The following ZNF618 variants were observed in gnomAD, a reference collection of about 807,000 sequenced individuals.
ZNF618 encodes neural precursor cell expressed, developmentally down-regulated 10.
In ZNF618, 34 loss-of-function variants were observed where a neutral mutation model predicts 103.0. The observed-to-expected ratio is 0.33, with a 90% CI of 0.25 to 0.44. ZNF618 has a LOEUF of 0.44. Ranked by LOEUF, ZNF618 falls within the 20% of genes least tolerant of loss-of-function variation. The pLI is 1.00. For missense variants in ZNF618, 1,059 were observed against 1,295.4 expected (o/e 0.82, Z 2.80); for synonymous variants, 551 against 542.2 (o/e 1.02, Z -0.23).
At chr9:113,882,572 G>A (rs540678635) in intron 1 of ZNF618, among the ~76,000 whole-genome samples, 1 of 152,272 alleles carries the variant, frequency 6.6e-6, no homozygotes, top group African/African-American at 2.4e-5. Flanking sequence ...AAAGTTAGGC[G>A]ACAAGTGAGA....
intron 1 of ZNF618, among the ~76,000 whole-genome samples, chr9:113,949,903 C>T (rs1304015544): frequency 1.3e-5 from 2 of 152,224 alleles, no homozygotes; most frequent in Admixed American, 6.5e-5. Context: ...GGAGTTGGCA[C>T]GGGAGGCAAT....
chr9:114,049,395 C>T lies in ZNF618; in HGVS notation c.2093C>T (p.Thr698Met), dbSNP rs944887265. ...CCACCACCCTGCTGGAACTCGGTGACGGACTCACTGTTGCTGGTGCATGAG... is the reference window on the plus strand; with the variant it reads ...CCACCACCCTGCTGGAACTCGGTGATGGACTCACTGTTGCTGGTGCATGAG... ...TSPPPCWNSV[T>M]DSLLLVHERY... Residue 698 changes from threonine (T) to methionine (M), a missense_variant, in exon 15 of 15, where the codon ACG (threonine) becomes ATG (methionine). By Grantham distance (81) the Thr-to-Met change is moderately conservative (BLOSUM62 -1). Transcript: ENST00000374126. The T allele has an allele frequency of 3.7e-6, 6 of 1,603,714 alleles. No homozygotes were observed. Among genetic ancestry groups the T allele is most frequent in the East Asian group, 2.3e-5 (1 of 44,368 alleles).
In ZNF618 at chr9:113,938,165, GTTTTTTTTT is replaced by G. The variant is rs770850585; in HGVS notation, c.34-30938_34-30930del. Among the ~76,000 whole-genome samples the G allele has an allele frequency of 5.2e-5, 5 of 95,512 alleles. No homozygotes were observed. In the South Asian group the frequency reaches 1.9e-3, roughly 36 times the overall value. The allele number at this position is 95,512 out of a possible 152,430, so 62.7% of individuals were successfully genotyped here. ...GTTTTTAGGAAAGCTTCAGGCTCCT[GTTTTTTTTT>G]TTTTTTTTTTTTTGAGACAGGGTCT... is the stretch of plus-strand genomic sequence containing the variant. On this transcript the variant is annotated intron_variant, in intron 1 of 14. Coordinates refer to ENST00000374126, the MANE Select transcript of ZNF618 (RefSeq NM_001318042.2).
intron 12 of ZNF618, among the ~76,000 whole-genome samples, chr9:114,034,493 A>G (rs549899498): frequency 2.6e-5 from 4 of 152,302 alleles, no homozygotes; most frequent in African/African-American, 9.6e-5. Context: ...TGTGCCTGGC[A>G]TGTGTTCAGA....
At position 113,974,735 on chromosome 9, in the gene ZNF618, C is replaced by T. The variant is rs144354349; in HGVS notation, c.77+5575C>T. Among the ~76,000 whole-genome samples, 14 of 152,180 alleles carry T rather than the reference C, an allele frequency of 9.2e-5. No homozygotes were observed. The South Asian group carries it at 1.9e-3, about 20-fold the overall frequency. ...CTCCTGTGGTCCCCATTCTCCATGC[C>T]CCCCTGCACCCCCTGCCTGGTCTGT... On this transcript the variant is annotated intron_variant, in intron 2 of 14. Coordinates refer to ENST00000374126, the MANE Select transcript of ZNF618 (RefSeq NM_001318042.2).
intron 1 of ZNF618, among the ~76,000 whole-genome samples, chr9:113,922,485 T>G (rs1390587610): frequency 2.0e-5 from 3 of 151,282 alleles, no homozygotes; most frequent in Admixed American, 6.6e-5. Context: ...TTGTTTTTTT[T>G]TTTTTTTTTT....
intron 9 of ZNF618, chr9:114,016,245 G>A (rs575836620): frequency 2.1e-6 from 3 of 1,399,400 alleles, no homozygotes; most frequent in Admixed American, 1.7e-5. Flanking sequence ...GGTGCTTGGG[G>A]GCAGGGAAGG....
At chr9:113,961,403 A>G (rs1836831789) in intron 1 of ZNF618, among the ~76,000 whole-genome samples, 1 of 152,254 alleles carries the variant, frequency 6.6e-6, no homozygotes, top group Admixed American at 6.5e-5. Flanking sequence ...CGAATGAATA[A>G]GGAACCAGGT....
chr9:113,938,553 C>T (rs565428971), intron 1 of ZNF618, among the ~76,000 whole-genome samples: 1 of 145,580 alleles, frequency 6.9e-6, no homozygotes, highest in Admixed American at 7.2e-5. Context: ...TTCCTCCTCC[C>T]ATTATATTTT....
intron 1 of ZNF618, among the ~76,000 whole-genome samples, chr9:113,954,346 C>A (rs935913945): frequency 6.6e-6 from 1 of 152,078 alleles, no homozygotes; most frequent in Non-Finnish European, 1.5e-5. Flanking sequence ...AGAGCATTAC[C>A]CTTTCACATG....
intron 1 of ZNF618, among the ~76,000 whole-genome samples, chr9:113,965,531 C>T (rs1010456317): frequency 6.6e-6 from 1 of 152,116 alleles, no homozygotes; most frequent in African/African-American, 2.4e-5. Flanking sequence ...TTCACCCCAG[C>T]TTTACGAGAG....
At chr9:113,988,192 C>T (rs954653136) in intron 2 of ZNF618, 129 bp from the exon 3 acceptor site, 20 of 1,281,834 alleles carry the variant, frequency 1.6e-5, no homozygotes, top group Non-Finnish European at 1.9e-5. Context: ...GTGTGGGAGG[C>T]TAAGGGGGCC....
Position 114,050,008 on chromosome 9 carries a change from A to C in ZNF618, c.2706A>C (p.Lys902Asn). Residue 902 changes from lysine (K) to asparagine (N), a missense_variant, in exon 15 of 15, where the codon AAA becomes AAC. Around this residue, in one of 6 missense-constraint regions of ZNF618, gnomAD observed 156 missense variants for 197.1 expected, o/e 0.79. Coordinates refer to ENST00000374126, the MANE Select transcript of ZNF618 (RefSeq NM_001318042.2). ...CGTGCGTTACCCAAAAGCACACAAAACTCGCCAAGCTCGCCTTCTGGCTCC... is the reference window on the plus strand; with the variant it reads ...CGTGCGTTACCCAAAAGCACACAAACCTCGCCAAGCTCGCCTTCTGGCTCC... ...YWSCVTQKHTKLAKLAFWLLA... is the reference protein window; with the variant it reads ...YWSCVTQKHTNLAKLAFWLLA... 6.2e-7 allele frequency: 1 copy of C among 1,613,760 alleles called. No homozygotes were observed. Among genetic ancestry groups the C allele is most frequent in the South Asian group, 1.1e-5 (1 of 91,062 alleles).
At chr9:113,969,579 G>A (rs1240381092) in intron 2 of ZNF618, among the ~76,000 whole-genome samples, 1 of 152,212 alleles carries the variant, frequency 6.6e-6, no homozygotes, top group African/African-American at 2.4e-5. Context: ...CCAAAGCAGG[G>A]GATGGGATAC....
chr9:113,989,491 G>T (rs1233936875), intron 3 of ZNF618, among the ~76,000 whole-genome samples: 1 of 152,258 alleles, frequency 6.6e-6, no homozygotes, highest in African/African-American at 2.4e-5. Flanking sequence ...CCTGGTCTGT[G>T]ACATAAAGTC....
At chr9:113,928,104 T>C (rs976454824) in intron 1 of ZNF618, among the ~76,000 whole-genome samples, 2 of 152,216 alleles carry the variant, frequency 1.3e-5, no homozygotes, top group Non-Finnish European at 2.9e-5. Context: ...TATCATCTCT[T>C]TTTGAAAATC....
intron 1 of ZNF618, among the ~76,000 whole-genome samples, chr9:113,894,832 C>A (rs374982470): frequency 8.5e-5 from 13 of 152,050 alleles, no homozygotes; most frequent in African/African-American, 2.9e-4. Flanking sequence ...ATTGTATTAC[C>A]TTCTTAGTTC....
At position 114,047,885 on chromosome 9, in the gene ZNF618, GC is replaced by G; in HGVS notation, c.1247-5del. On this transcript the variant is annotated splice_polypyrimidine_tract_variant and splice_region_variant and intron_variant, in intron 13 of 14. Coordinates refer to ENST00000374126, the MANE Select transcript of ZNF618 (RefSeq NM_001318042.2). ...CCAGGTAACACACTGTCCCCTTTGT[GC>G]CCACAGCTGACAATGAAAACAACAT... 1.3e-6 allele frequency: 2 copies of G among 1,591,146 alleles called. No individual in the cohort carries two copies. The highest frequency in any genetic ancestry group is 1.7e-6 in the Non-Finnish European group (2 of 1,168,664).
chr9:114,035,143 C>G lies in ZNF618; in HGVS notation c.1169-1157C>G, dbSNP rs1844471575. 3 of 983,292 alleles carry G rather than the reference C, an allele frequency of 3.1e-6. No individual in the cohort carries two copies. In the Admixed American group the frequency reaches 1.8e-4, roughly 60 times the overall value. The allele number at this position is 983,292 out of a possible 1,614,324, so 60.9% of individuals were successfully genotyped here. A position where few individuals can be genotyped will look rare whatever the true frequency, so the allele number is the denominator to read the frequency against. The stretch of plus-strand genomic sequence containing the variant: ...AGAATAAAAATTATGACTATCAGCA[C>G]AGAACAGCAGAACTAGAAGAGATGG... On this transcript the variant is annotated intron_variant, in intron 12 of 14. Transcript: ENST00000374126.
Sources: allele counts gnomAD v4.1 joint callset (sites outside exome capture counted in the v4.1 genomes callset), GRCh38; gene constraint gnomAD v4.1.1; regional missense constraint gnomAD v4.1.1; transcripts MANE v1.5; gene names NCBI Gene and HGNC (gene_info 2026-07-23, HGNC 2026-07-21).